SPANXN4: variants seen among roughly 807,000 people sequenced by gnomAD.
SPANXN4 encodes sperm protein associated with the nucleus on the X chromosome N4.
Under a neutral mutation model 6.0 loss-of-function variants are expected in SPANXN4, and 5 were observed. The ratio of observed to expected loss-of-function variants is 0.83; its 90% CI spans 0.44 to 1.75. The LOEUF is 1.75. SPANXN4 is among the 40% of genes most tolerant of loss of function. The probability of loss-of-function intolerance (pLI) is 0.02; values close to 1 mark genes in which losing one functional copy is unlikely to be tolerated. For missense variants in SPANXN4, 157 were observed against 108.6 expected, an observed-to-expected ratio of 1.45 and a Z score of -1.98; for synonymous variants, 45 against 38.0, an observed-to-expected ratio of 1.19 and a Z score of -0.68.
At chrX:143,033,207 A>G (rs907365752) in intron 1 of SPANXN4, among the ~76,000 whole-genome samples, 32 of 111,412 alleles carry the variant, frequency 2.9e-4, no homozygotes, top group Non-Finnish European at 1.7e-4. Context: ...GAGTTTGATC[A>G]GGACCTAGAG....
downstream of SPANXN4, among the ~76,000 whole-genome samples, chrX:143,038,226 T>C (rs1932852775): frequency 8.9e-6 from 1 of 112,017 alleles, no homozygotes; most frequent in African/African-American, 3.2e-5. Flanking sequence ...TTTTAAAGAA[T>C]TGTAGAATCA....
At chrX:143,034,655 A>T in exon 3 of SPANXN4, 1 of 1,160,018 alleles carries the variant, frequency 8.6e-7, no homozygotes, top group Non-Finnish European at 1.1e-6. Flanking sequence ...CATACCTCAG[A>T]GTGGTGTGTT....
exon 1 of SPANXN4, chrX:143,026,040 A>C: frequency 8.3e-7 from 1 of 1,209,980 alleles, no homozygotes; most frequent in Non-Finnish European, 1.1e-6. Context: ...TCCAGCACCA[A>C]CGAGAATAAA....
chrX:143,032,982 C>T (rs995291147), intron 1 of SPANXN4, among the ~76,000 whole-genome samples: 1 of 111,634 alleles, frequency 9.0e-6, no homozygotes, highest in South Asian at 3.8e-4. Context: ...TGAAGGTGTC[C>T]CCTGAGAAGG....
In SPANXN4 at chrX:143,026,023, G is replaced by A. The variant is rs560114050; in HGVS notation, c.9G>A (p.Glu3=). The A allele has an allele frequency of 5.8e-6, 7 of 1,206,419 alleles. No individual in the cohort carries two copies. In the South Asian group the frequency reaches 8.9e-5, roughly 15 times the overall value. Residue 3 remains glutamate (E), a synonymous_variant, in exon 1 of 3, where the codon GAG becomes GAA. Coordinates refer to ENST00000370504, the Ensembl canonical transcript of SPANXN4. ...TACAACCAACCATAATCATGGAAGA[G>A]CCAACTTCCAGCACCAACGAGAATA... is the stretch of plus-strand genomic sequence containing the variant.
intron 1 of SPANXN4, among the ~76,000 whole-genome samples, chrX:143,028,234 C>A (rs780800407): frequency 9.1e-6 from 1 of 110,476 alleles, no homozygotes; most frequent in Non-Finnish European, 1.9e-5. Context: ...GAGGACCCGT[C>A]CACTTAGGTT....
intron 1 of SPANXN4, among the ~76,000 whole-genome samples, chrX:143,031,028 G>A (rs748097228): frequency 1.7e-4 from 19 of 111,046 alleles, no homozygotes; most frequent in East Asian, 1.4e-3. Context: ...AGAAGGTAAC[G>A]GTGGATAATG....
chrX:143,033,777 A>C (rs1932825718), intron 1 of SPANXN4, among the ~76,000 whole-genome samples: 1 of 111,323 alleles, frequency 9.0e-6, no homozygotes, highest in Admixed American at 9.5e-5. Context: ...GGAATGTTTC[A>C]CTTTGACCGA....
At chrX:143,035,388 C>T (rs374284754), downstream of SPANXN4, among the ~76,000 whole-genome samples, 9 of 110,398 alleles carry the variant, frequency 8.2e-5, no homozygotes, top group East Asian at 2.8e-4. Flanking sequence ...ATTGTCAATA[C>T]TTAATGTTCC....
intron 1 of SPANXN4, 45 bp from the exon 2 acceptor site, chrX:143,033,980 C>T (rs1022596900): frequency 1.8e-6 from 2 of 1,096,454 alleles, no homozygotes; most frequent in Non-Finnish European, 2.4e-6. Context: ...CTACCCTCTT[C>T]ATCCAAAATA....
chrX:143,026,058 G>C (rs1260621556), exon 1 of SPANXN4: 1 of 1,209,279 alleles, frequency 8.3e-7, no homozygotes, highest in Non-Finnish European at 1.1e-6. Flanking sequence ...AAAATGAAGA[G>C]CCCCTGTGAA....
chrX:143,037,753 C>A (rs1333288795), downstream of SPANXN4, among the ~76,000 whole-genome samples: 1 of 111,323 alleles, frequency 9.0e-6, no homozygotes, highest in Non-Finnish European at 1.9e-5. Flanking sequence ...ATGTTGCTCT[C>A]ATGATAGTGA....
rs1358594853 is a variant in SPANXN4 at position 143,034,317 on chromosome X, G to T, written c.283+85G>T. On this transcript the variant is annotated intron_variant, in intron 2 of 2. Transcript: ENST00000370504. ...AAATCAGTTTGAGGAGCTGATGACTGTGTATACCTCTGCCTTTTTTTCTGA... is the reference window on the plus strand; with the variant it reads ...AAATCAGTTTGAGGAGCTGATGACTTTGTATACCTCTGCCTTTTTTTCTGA... The T allele has an allele frequency of 8.6e-6, 9 of 1,050,974 alleles. No homozygotes were observed. The East Asian group carries it at 2.7e-4, about 31-fold the overall frequency. The allele number at this position is 1,050,974 out of a possible 1,213,427, so 86.6% of individuals were successfully genotyped here. A position where few individuals can be genotyped will look rare whatever the true frequency, so the allele number is the denominator to read the frequency against.
chrX:143,029,685 T>C (rs1932798084), intron 1 of SPANXN4, among the ~76,000 whole-genome samples: 1 of 110,820 alleles, frequency 9.0e-6, no homozygotes, highest in Non-Finnish European at 1.9e-5. Context: ...TGGAAGGTGA[T>C]TAGAGGGTTA....
At chrX:143,029,956 T>G (rs373544367) in intron 1 of SPANXN4, among the ~76,000 whole-genome samples, 2 of 111,294 alleles carry the variant, frequency 1.8e-5, no homozygotes, top group Non-Finnish European at 3.8e-5. Flanking sequence ...GGCAGAGTAG[T>G]CCAAGAGCAA....
chrX:143,034,602 C>T, exon 3 of SPANXN4: 1 of 1,165,937 alleles, frequency 8.6e-7, no homozygotes. Context: ...GACAGTGACA[C>T]TCTTTCCAAA....
At position 143,034,063 on chromosome X, in the gene SPANXN4, G is replaced by C; in HGVS notation, c.114G>C (p.Gln38His). 1 of 1,178,651 alleles carries C rather than the reference G, an allele frequency of 8.5e-7. No individual in the cohort carries two copies. ...TGCACAGAGCCTCAGCCCCTGAACA[G>C]AGTTTGAAAGAGACAGAAAAAGCAA... The change falls in exon 2 of 3, where the codon CAG (glutamine) becomes CAC (histidine). Residue 38 changes from glutamine to histidine, a missense_variant. Gln to His is a conservative substitution (Grantham distance 24, BLOSUM62 0). Transcript: ENST00000370504.
rs895279536 is a variant in SPANXN4 at position 143,034,384 on chromosome X, C to T, written c.284-125C>T. 34 of 1,049,300 alleles carry T rather than the reference C, an allele frequency of 3.2e-5. No individual in the cohort carries two copies. The African/African-American group carries it at 3.8e-4, about 12-fold the overall frequency. The allele number at this position is 1,049,300 out of a possible 1,213,427, so 86.5% of individuals were successfully genotyped here. ...AAGGGAAAAGATAGGCATTTGAGAA[C>T]GGAGGGATATGAGATCCTGTAGCAT... is the stretch of plus-strand genomic sequence containing the variant. On this transcript the variant is annotated intron_variant, in intron 2 of 2. Coordinates refer to ENST00000370504, the Ensembl canonical transcript of SPANXN4.
intron 1 of SPANXN4, among the ~76,000 whole-genome samples, chrX:143,027,068 A>G (rs1190752355): frequency 8.9e-6 from 1 of 112,334 alleles, no homozygotes; most frequent in East Asian, 2.8e-4. Flanking sequence ...AGGCAGAGAT[A>G]AGAGTTTGTG....
Sources: gnomAD v4.1 joint callset for allele counts (sites outside exome capture counted in the v4.1 genomes callset) on GRCh38, gnomAD v4.1.1 for gene constraint, MANE v1.5 for transcripts, NCBI Gene and HGNC (gene_info 2026-07-23, HGNC 2026-07-21) for gene names.